The following IL16 variants were observed in gnomAD, a reference collection of about 807,000 sequenced individuals.
IL16 encodes pro-interleukin-16.
A neutral mutation model predicts 110.1 loss-of-function variants in IL16; 67 were observed. The observed-to-expected ratio is 0.61, with a 90% CI of 0.50 to 0.75. The LOEUF is 0.75. IL16 is among the 30% of genes least tolerant of loss of function. IL16 has a pLI of 0.00. For missense variants in IL16, 1,545 were observed against 1,655.0 expected (o/e 0.93, Z 1.15); for synonymous variants, 689 against 662.9 (o/e 1.04, Z -0.61).
At chr15:81,295,223 C>T in intron 12 of IL16, 1 of 248,436 alleles carries the variant, frequency 4.0e-6, no homozygotes, top group East Asian at 1.5e-4. Context: ...TATGCTGAAT[C>T]TGCTCTCTCC....
intron 2 of IL16, among the ~76,000 whole-genome samples, chr15:81,234,662 A>G (rs1897121960): frequency 6.6e-6 from 1 of 151,502 alleles, no homozygotes; most frequent in Non-Finnish European, 1.5e-5. Context: ...AAATGTTTAC[A>G]TTTTCCATTA....
intron 6 of IL16, among the ~76,000 whole-genome samples, chr15:81,273,858 C>T (rs1898771329): frequency 6.6e-6 from 1 of 152,142 alleles, no homozygotes; most frequent in African/African-American, 2.4e-5. Flanking sequence ...AAGCCTCATC[C>T]ATCCTGGGAG....
intron 6 of IL16, among the ~76,000 whole-genome samples, chr15:81,278,407 T>A (rs965658036): frequency 6.6e-6 from 1 of 152,170 alleles, no homozygotes. Flanking sequence ...GGAAGTATAT[T>A]TTATTTGAGA....
In IL16 at chr15:81,301,371, G is replaced by T. The variant is rs762545239; in HGVS notation, c.3177G>T (p.Glu1059Asp). 2 of 1,612,874 alleles carry T rather than the reference G, an allele frequency of 1.2e-6. No homozygotes were observed. Among genetic ancestry groups the T allele is most frequent in the Admixed American group, 1.7e-5 (1 of 59,706 alleles). ...TTTCAGAGCTGAGAGAATATACAGA[G>T]GGTCTCACGGAAGCCAAGGAAGACG... Reference protein sequence around the residue: ...LNLSELREYTEGLTEAKEDDD... With the variant: ...LNLSELREYTDGLTEAKEDDD... Residue 1059 changes from glutamate to aspartate, a missense_variant, in exon 15 of 19, where the codon GAG becomes GAT. By Grantham distance (45) the Glu-to-Asp change is conservative. Transcript: ENST00000683961.
chr15:81,196,526 C>G (rs990676901), upstream of IL16, among the ~76,000 whole-genome samples: 1 of 152,198 alleles, frequency 6.6e-6, no homozygotes, highest in Non-Finnish European at 1.5e-5. Context: ...ATTATAGGCA[C>G]GTGCCACAGC....
intron 11 of IL16, 57 bp from the exon 12 acceptor site, chr15:81,292,499 G>C: frequency 6.2e-7 from 1 of 1,612,524 alleles, no homozygotes; most frequent in South Asian, 1.1e-5. Context: ...TGAGGCCAGG[G>C]GGTATTTCTG....
intron 12 of IL16, among the ~76,000 whole-genome samples, chr15:81,293,321 A>C (rs977858274): frequency 6.6e-6 from 1 of 152,224 alleles, no homozygotes; most frequent in African/African-American, 2.4e-5. Flanking sequence ...ACTCACCATG[A>C]AGGAAAAATA....
rs1471110644 is a variant in IL16 at position 81,299,812 on chromosome 15, A to C, written c.2486A>C (p.His829Pro). The C allele has an allele frequency of 6.2e-7, 1 of 1,614,018 alleles. No homozygotes were observed. Among genetic ancestry groups the C allele is most frequent in the Non-Finnish European group, 8.5e-7 (1 of 1,179,974 alleles). Residue 829 changes from histidine (H) to proline (P), a missense_variant, in exon 14 of 19, where the codon CAC becomes CCC. By Grantham distance (77) the His-to-Pro change is moderately conservative (BLOSUM62 -2). Around this residue, in one of 3 missense-constraint regions of IL16, gnomAD observed 1,185 missense variants for 1,238.8 expected, o/e 0.96. Coordinates refer to ENST00000683961, the MANE Select transcript of IL16 (RefSeq NM_172217.5). ...GCTTCCAGGGAGCACCTAGGATCACACATCCGGGCCTCCTCCTCCTCCTCC... is the reference window on the plus strand; with the variant it reads ...GCTTCCAGGGAGCACCTAGGATCACCCATCCGGGCCTCCTCCTCCTCCTCC... ...APASREHLGS[H>P]IRASSSSSSI...
chr15:81,199,030 A>ATAT (rs1555411598), intron 1 of IL16, among the ~76,000 whole-genome samples: 1,139 of 103,766 alleles, frequency 0.011, 10 homozygotes, highest in Non-Finnish European at 0.015. Context: ...AAAAAAAAAA[A>ATAT]ATATATATAT....
At chr15:81,273,482 A>G (rs1898742248) in intron 6 of IL16, among the ~76,000 whole-genome samples, 2 of 152,078 alleles carry the variant, frequency 1.3e-5, no homozygotes, top group Admixed American at 1.3e-4. Flanking sequence ...CTGAAGTCTG[A>G]GGGGTCTGTT....
intron 1 of IL16, among the ~76,000 whole-genome samples, chr15:81,216,672 G>T (rs114788390): frequency 0.024 from 3,583 of 152,166 alleles, 157 homozygotes; most frequent in African/African-American, 0.083. Flanking sequence ...AGCAGCAGCA[G>T]CAGGAGGAGG....
rs1043379680 is a variant in IL16 at position 81,312,942 on chromosome 15, G to A, written c.*4144G>A. On this transcript the variant is annotated 3_prime_UTR_variant, in exon 19 of 19. Transcript: ENST00000683961. The stretch of plus-strand genomic sequence containing the variant: ...TAAAGCCTTGGTGCCAGAGTGCATC[G>A]CATGGTGTCCAGGCCGAGTCTCTGT... 4.5e-5 allele frequency: 8 copies of A among 179,272 alleles called. No individual in the cohort carries two copies. Among genetic ancestry groups the A allele is most frequent in the Non-Finnish European group, 5.9e-5 (5 of 84,880 alleles). 11.1% of individuals were successfully genotyped at this position (179,272 alleles called of 1,614,324 possible). A position where few individuals can be genotyped will look rare whatever the true frequency, so the allele number is the denominator to read the frequency against.
At chr15:81,198,561 T>G (rs1357673405) in intron 1 of IL16, among the ~76,000 whole-genome samples, 1 of 152,134 alleles carries the variant, frequency 6.6e-6, no homozygotes, top group Non-Finnish European at 1.5e-5. Context: ...TTTTTAGAAT[T>G]AAAATCTATC....
chr15:81,198,594 T>A (rs1380265372), intron 1 of IL16, among the ~76,000 whole-genome samples: 1 of 152,034 alleles, frequency 6.6e-6, no homozygotes, highest in Non-Finnish European at 1.5e-5. Context: ...GTATAATCAG[T>A]TAAGGCAGAA....
At chr15:81,221,545 G>A (rs951169323) in intron 1 of IL16, among the ~76,000 whole-genome samples, 8 of 152,162 alleles carry the variant, frequency 5.3e-5, no homozygotes, top group African/African-American at 1.7e-4. Context: ...GCTGAACCAT[G>A]TGACCACAGC....
chr15:81,263,346 AT>A (rs10717016), intron 3 of IL16, among the ~76,000 whole-genome samples: 48,686 of 109,576 alleles, frequency 0.44, 9,619 homozygotes, highest in Non-Finnish European at 0.52. Context: ...TTCAAAAACT[AT>A]TTTTTTTTGT....
rs1900751137 is a variant in IL16, at chr15:81,309,648, G to C, written c.*850G>C. The C allele has an allele frequency of 6.6e-6, 1 of 152,204 alleles. No individual in the cohort carries two copies. The highest frequency in any genetic ancestry group is 6.5e-5 in the Admixed American group (1 of 15,280). The allele number at this position is 152,204 out of a possible 1,614,324, so 9.4% of individuals were successfully genotyped here. A position where few individuals can be genotyped will look rare whatever the true frequency, so the allele number is the denominator to read the frequency against. On this transcript the variant is annotated 3_prime_UTR_variant, in exon 19 of 19. Transcript: ENST00000683961. ...GGATTGGAGAAGTAATCCTAGGGAAGGGTGGTGGAGCCAGTAAACAGAGGA... is the reference window on the plus strand; with the variant it reads ...GGATTGGAGAAGTAATCCTAGGGAACGGTGGTGGAGCCAGTAAACAGAGGA...
Position 81,300,615 on chromosome 15 carries a change from A to G in IL16, c.3149+140A>G, listed in dbSNP as rs920915593. 11 of 578,742 alleles carry G rather than the reference A, an allele frequency of 1.9e-5. No homozygotes were observed. In the East Asian group the frequency reaches 3.3e-4, roughly 17 times the overall value. 35.9% of individuals were successfully genotyped at this position (578,742 alleles called of 1,614,324 possible). On this transcript the variant is annotated intron_variant, in intron 14 of 18. Coordinates refer to ENST00000683961, the MANE Select transcript of IL16 (RefSeq NM_172217.5). Reference sequence around the variant, plus strand: ...AGAATTGTTCTGCCTCTTTCTTTCCATGTGTGTGCAGATGTCTGAGTGTGT... The same window carrying G: ...AGAATTGTTCTGCCTCTTTCTTTCCGTGTGTGTGCAGATGTCTGAGTGTGT...
intron 1 of IL16, among the ~76,000 whole-genome samples, chr15:81,198,996 G>T (rs1219356846): frequency 1.4e-5 from 2 of 138,484 alleles, no homozygotes; most frequent in African/African-American, 5.5e-5. Context: ...CTCCAGCCTG[G>T]GTGACAGAGG....
Sources: allele counts gnomAD v4.1 joint callset (sites outside exome capture counted in the v4.1 genomes callset), GRCh38; gene constraint gnomAD v4.1.1; regional missense constraint gnomAD v4.1.1; transcripts MANE v1.5; gene names NCBI Gene and HGNC (gene_info 2026-07-23, HGNC 2026-07-21).